The following ARHGAP15 variants were observed in gnomAD, a reference collection of about 807,000 sequenced individuals.
The protein encoded by ARHGAP15 is rho GTPase-activating protein 15.
ARHGAP15 carries 51 observed loss-of-function variants against 63.7 expected under a neutral mutation model. That is an observed-to-expected ratio of 0.80 (90% CI 0.64 to 1.01). The LOEUF (loss-of-function observed/expected upper bound fraction) is 1.01. Among genes scored for constraint, ARHGAP15 ranks in the 50% least tolerant of loss-of-function variants. The pLI is 0.00. For synonymous variants in ARHGAP15, 191 were observed against 193.8 expected, an observed-to-expected ratio of 0.99 and a Z score of 0.12; for missense variants, 560 against 564.6, an observed-to-expected ratio of 0.99 and a Z score of 0.08.
chr2:143,250,112 T>C (rs1181474823), intron 5 of ARHGAP15, among the ~76,000 whole-genome samples: 1 of 152,100 alleles, frequency 6.6e-6, no homozygotes, highest in Non-Finnish European at 1.5e-5. Context: ...CAATTTTTTC[T>C]TTTACTGTTA....
intron 9 of ARHGAP15, among the ~76,000 whole-genome samples, chr2:143,512,648 G>C (rs1412435317): frequency 6.6e-6 from 1 of 152,246 alleles, no homozygotes; most frequent in Non-Finnish European, 1.5e-5. Context: ...AGGTGTATTT[G>C]CTTGCAATAA....
At chr2:143,306,596 CT>C (rs368051449) in intron 6 of ARHGAP15, among the ~76,000 whole-genome samples, 11 of 152,130 alleles carry the variant, frequency 7.2e-5, no homozygotes, top group African/African-American at 2.7e-4. Context: ...CTTAGAATTA[CT>C]TAGGAGAGGA....
At chr2:143,193,174 G>GA (rs948467986) in intron 2 of ARHGAP15, among the ~76,000 whole-genome samples, 2 of 151,976 alleles carry the variant, frequency 1.3e-5, no homozygotes, top group South Asian at 2.1e-4. Flanking sequence ...AAGAAAAAAA[G>GA]AAAAAAAATT....
chr2:143,297,132 GTTA>G (rs1682671298), intron 6 of ARHGAP15, among the ~76,000 whole-genome samples: 3 of 152,028 alleles, frequency 2.0e-5, no homozygotes, highest in Non-Finnish European at 2.9e-5. Context: ...ACCTAAATTT[GTTA>G]TTATTACTGT....
At chr2:143,367,123 T>A (rs763178617) in intron 6 of ARHGAP15, among the ~76,000 whole-genome samples, 3 of 152,094 alleles carry the variant, frequency 2.0e-5, no homozygotes, top group Non-Finnish European at 2.9e-5. Flanking sequence ...AGACATTACA[T>A]AACAATCTTA....
In ARHGAP15 at chr2:143,671,692, G is replaced by A. The variant is rs531815918; in HGVS notation, c.1139-31727G>A. 1.1e-4 allele frequency among the ~76,000 whole-genome samples: 16 copies of A among 152,188 alleles called. No homozygotes were observed. In the East Asian group the frequency reaches 1.2e-3, roughly 11 times the overall value. On this transcript the variant is annotated intron_variant, in intron 12 of 13. Coordinates refer to ENST00000295095, the MANE Select transcript of ARHGAP15 (RefSeq NM_018460.4). Reference sequence around the variant, plus strand: ...TACAGCTGTACTGTACCTTCAGTTCGTTTTGCTGGAGGTACTTTCATGAAA... The same window carrying A: ...TACAGCTGTACTGTACCTTCAGTTCATTTTGCTGGAGGTACTTTCATGAAA...
At chr2:143,191,741 C>G (rs902159060) in intron 2 of ARHGAP15, among the ~76,000 whole-genome samples, 2 of 152,134 alleles carry the variant, frequency 1.3e-5, no homozygotes, top group Non-Finnish European at 2.9e-5. Flanking sequence ...TCTATTTTCA[C>G]CAGAAACTCC....
At chr2:143,627,556 T>TA (rs992380478) in intron 12 of ARHGAP15, among the ~76,000 whole-genome samples, 10 of 152,304 alleles carry the variant, frequency 6.6e-5, no homozygotes, top group African/African-American at 1.9e-4. Flanking sequence ...AGAACATTTA[T>TA]ACCCCGTCAC....
chr2:143,556,758 GT>G (rs566481714), intron 11 of ARHGAP15, among the ~76,000 whole-genome samples: 46 of 151,942 alleles, frequency 3.0e-4, no homozygotes, highest in Admixed American at 1.6e-3. Flanking sequence ...TAGAAAAAGA[GT>G]AAAAGAAAAA....
intron 12 of ARHGAP15, among the ~76,000 whole-genome samples, chr2:143,652,900 T>C (rs540627019): frequency 6.6e-6 from 1 of 152,238 alleles, no homozygotes; most frequent in South Asian, 2.1e-4. Flanking sequence ...GATACATTTT[T>C]TTTCCTGCCT....
At chr2:143,438,355 C>T (rs201921753) in intron 8 of ARHGAP15, among the ~76,000 whole-genome samples, 1 of 152,050 alleles carries the variant, frequency 6.6e-6, no homozygotes, top group East Asian at 1.9e-4. Context: ...TGTATATACA[C>T]ATACATGCAC....
chr2:143,213,163 T>A (rs1428163285), intron 3 of ARHGAP15, among the ~76,000 whole-genome samples: 1 of 152,134 alleles, frequency 6.6e-6, no homozygotes, highest in Non-Finnish European at 1.5e-5. Flanking sequence ...AGGAAAGAAG[T>A]GTTATTAATT....
At chr2:143,240,010 A>AC (rs1693803077) in intron 5 of ARHGAP15, among the ~76,000 whole-genome samples, 1 of 148,026 alleles carries the variant, frequency 6.8e-6, no homozygotes, top group African/African-American at 2.5e-5. Flanking sequence ...AAAAAAAAAA[A>AC]AAAAAAAAAA....
intron 6 of ARHGAP15, among the ~76,000 whole-genome samples, chr2:143,398,157 C>T (rs1687850170): frequency 6.6e-6 from 1 of 152,090 alleles, no homozygotes; most frequent in Admixed American, 6.6e-5. Context: ...CAGTTAGACT[C>T]CAAGGTGGAC....
At chr2:143,480,142 A>C (rs1346530874) in intron 8 of ARHGAP15, among the ~76,000 whole-genome samples, 1 of 152,186 alleles carries the variant, frequency 6.6e-6, no homozygotes, top group Non-Finnish European at 1.5e-5. Flanking sequence ...TTACGAGCAA[A>C]ATAAAAATAC....
chr2:143,517,611 C>T (rs2104978119), intron 9 of ARHGAP15, among the ~76,000 whole-genome samples: 1 of 152,282 alleles, frequency 6.6e-6, no homozygotes, highest in Admixed American at 6.5e-5. Flanking sequence ...CGCCTACTCT[C>T]CTGGGTTTTG....
chr2:143,290,169 T>A (rs1473065499), intron 6 of ARHGAP15, among the ~76,000 whole-genome samples: 2 of 152,062 alleles, frequency 1.3e-5, no homozygotes, highest in Non-Finnish European at 2.9e-5. Context: ...ACTTTCCCAA[T>A]AGCTATTTAC....
intron 9 of ARHGAP15, among the ~76,000 whole-genome samples, chr2:143,515,376 G>C (rs1693769081): frequency 6.6e-6 from 1 of 152,056 alleles, no homozygotes; most frequent in Non-Finnish European, 1.5e-5. Flanking sequence ...GTCTAGATAA[G>C]GTGTTTTAGT....
intron 6 of ARHGAP15, among the ~76,000 whole-genome samples, chr2:143,420,150 A>T (rs149460134): frequency 6.6e-6 from 1 of 152,276 alleles, no homozygotes; most frequent in East Asian, 1.9e-4. Context: ...GCAGTTCACC[A>T]ATACATAGGC....
Sources: gnomAD v4.1 joint callset for allele counts (sites outside exome capture counted in the v4.1 genomes callset) on GRCh38, gnomAD v4.1.1 for gene constraint, MANE v1.5 for transcripts, NCBI Gene and HGNC (gene_info 2026-07-23, HGNC 2026-07-21) for gene names.